DCDC2: variants seen among roughly 807,000 people sequenced by gnomAD.
DCDC2 encodes the protein doublecortin domain-containing protein 2.
DCDC2 carries 40 observed loss-of-function variants against 50.2 expected under a neutral mutation model. The ratio of observed to expected loss-of-function variants is 0.80; its 90% confidence interval spans 0.62 to 1.04. The LOEUF is 1.04. Among genes scored for constraint, DCDC2 ranks in the 50% least tolerant of loss-of-function variants. The pLI, the probability that DCDC2 is intolerant of heterozygous loss-of-function variation, is 0.00. For synonymous variants in DCDC2, 234 were observed against 210.6 expected, an observed-to-expected ratio of 1.11 and a Z score of -0.96; for missense variants, 570 against 581.9, an observed-to-expected ratio of 0.98 and a Z score of 0.21.
At chr6:24,244,612 A>G (rs1460163390) in intron 7 of DCDC2, among the ~76,000 whole-genome samples, 2 of 152,180 alleles carry the variant, frequency 1.3e-5, no homozygotes, top group East Asian at 3.9e-4. Flanking sequence ...CACCTCCCAG[A>G]CCTGCTCTCT....
chr6:24,279,169 C>T (rs577492068), intron 6 of DCDC2, among the ~76,000 whole-genome samples: 1 of 152,312 alleles, frequency 6.6e-6, no homozygotes, highest in African/African-American at 2.4e-5. Context: ...GGGGCTACTG[C>T]AAGGAACAGC....
At chr6:24,209,925 G>T (rs903963535) in intron 7 of DCDC2, among the ~76,000 whole-genome samples, 1 of 151,976 alleles carries the variant, frequency 6.6e-6, no homozygotes, top group Admixed American at 6.6e-5. Context: ...ACCCCAGAGA[G>T]ATTATTCTTG....
the DCDC2 span, among the ~76,000 whole-genome samples, chr6:24,368,995 G>A: frequency 6.6e-6 from 1 of 151,974 alleles, no homozygotes; most frequent in Non-Finnish European, 1.5e-5. Flanking sequence ...TTAGCTGGGT[G>A]CAGTGGCGCG....
intron 7 of DCDC2, among the ~76,000 whole-genome samples, chr6:24,248,841 T>A (rs1031305965): frequency 6.6e-6 from 1 of 152,184 alleles, no homozygotes; most frequent in African/African-American, 2.4e-5. Context: ...CAATAGGGAA[T>A]CACTAATAAG....
upstream of DCDC2, among the ~76,000 whole-genome samples, chr6:24,358,752 T>TATAC (rs35862154): frequency 6.3e-3 from 1 of 158 alleles, no homozygotes; most frequent in South Asian, 0.1. Context: ...TTTATTTATT[T>TATAC]ATTTATATAT....
chr6:24,295,203 C>G (rs950600454), intron 4 of DCDC2, among the ~76,000 whole-genome samples: 2 of 152,140 alleles, frequency 1.3e-5, no homozygotes, highest in African/African-American at 4.8e-5. Flanking sequence ...ACCACATAAA[C>G]AGAACTTAAA....
At chr6:24,363,649 C>T in the DCDC2 span, among the ~76,000 whole-genome samples, 1 of 152,180 alleles carries the variant, frequency 6.6e-6, no homozygotes, top group Non-Finnish European at 1.5e-5. Context: ...CCACATTGCA[C>T]CCTAGGTTTA....
At chr6:24,311,477 T>G (rs552462270) in intron 2 of DCDC2, among the ~76,000 whole-genome samples, 61 of 152,338 alleles carry the variant, frequency 4.0e-4, no homozygotes, top group African/African-American at 1.4e-3. Flanking sequence ...CACCAATTTT[T>G]GAGCATATAT....
intron 2 of DCDC2, among the ~76,000 whole-genome samples, chr6:24,322,969 T>C (rs1759798758): frequency 1.3e-5 from 2 of 152,230 alleles, no homozygotes; most frequent in African/African-American, 4.8e-5. Flanking sequence ...TGACTCTTTT[T>C]GTTGACATCT....
intron 8 of DCDC2, among the ~76,000 whole-genome samples, chr6:24,179,707 C>A (rs1761016233): frequency 6.6e-6 from 1 of 150,762 alleles, no homozygotes; most frequent in Admixed American, 6.6e-5. Flanking sequence ...GTAATCCCAG[C>A]ACTTTGGGAG....
chr6:24,236,289 C>T (rs1762439243), intron 7 of DCDC2, among the ~76,000 whole-genome samples: 1 of 152,122 alleles, frequency 6.6e-6, no homozygotes, highest in African/African-American at 2.4e-5. Flanking sequence ...ACACCTATAG[C>T]CATCTGATCT....
At chr6:24,306,503 T>C (rs1561768194) in intron 2 of DCDC2, among the ~76,000 whole-genome samples, 1 of 95,380 alleles carries the variant, frequency 1.0e-5, no homozygotes, top group African/African-American at 4.3e-5. Flanking sequence ...ATTAGATAGA[T>C]AGATAGATAG....
intron 2 of DCDC2, among the ~76,000 whole-genome samples, chr6:24,335,405 A>T (rs1760040445): frequency 6.6e-6 from 1 of 152,210 alleles, no homozygotes; most frequent in Non-Finnish European, 1.5e-5. Context: ...ATATGTGGTT[A>T]TTCGACCATC....
chr6:24,346,499 T>C (rs1349946603), intron 2 of DCDC2, among the ~76,000 whole-genome samples: 5 of 152,136 alleles, frequency 3.3e-5, no homozygotes, highest in African/African-American at 1.2e-4. Flanking sequence ...TTCACGCCTG[T>C]ACTCCCAGCA....
At chr6:24,217,858 A>T (rs1762014958) in intron 7 of DCDC2, among the ~76,000 whole-genome samples, 1 of 152,222 alleles carries the variant, frequency 6.6e-6, no homozygotes, top group Non-Finnish European at 1.5e-5. Flanking sequence ...CTTAACATAA[A>T]ATAGAAGTTA....
At chr6:24,360,962 G>A (rs908208628), upstream of DCDC2, among the ~76,000 whole-genome samples, 1 of 152,056 alleles carries the variant, frequency 6.6e-6, no homozygotes, top group African/African-American at 2.4e-5. Context: ...ATTAGAAAAC[G>A]AAAGAGAGAG....
intron 8 of DCDC2, among the ~76,000 whole-genome samples, chr6:24,190,034 C>G (rs775408813): frequency 2.7e-5 from 4 of 150,848 alleles, no homozygotes; most frequent in Non-Finnish European, 4.4e-5. Context: ...TGGCAAAGTA[C>G]CACTTCTTGC....
intron 5 of DCDC2, 83 bp from the exon 6 acceptor site, chr6:24,288,989 G>C: frequency 9.9e-7 from 1 of 1,011,402 alleles, no homozygotes; most frequent in Non-Finnish European, 1.5e-6. Context: ...TCCCCACCTG[G>C]AAGTCAACTG....
rs543369890 is a variant in DCDC2 at position 24,205,056 on chromosome 6, C to G, written c.969G>C (p.Gly323=). 1.2e-6 allele frequency: 2 copies of G among 1,614,062 alleles called. No individual in the cohort carries two copies. The highest frequency in any genetic ancestry group is 2.2e-5 in the South Asian group (2 of 91,076). Residue 323 remains glycine (G), a synonymous_variant, in exon 8 of 10, where the codon GGG becomes GGC. Coordinates refer to ENST00000378454, the MANE Select transcript of DCDC2 (RefSeq NM_016356.5). Reference sequence around the variant, plus strand: ...CTTCATCTTCTTGGACTTCTGCTGCCCCCCGTGTTTCAGACCTCTCTGCTC... The same window carrying G: ...CTTCATCTTCTTGGACTTCTGCTGCGCCCCGTGTTTCAGACCTCTCTGCTC... ...KAGAERSETR[G]AAEVQEDEDT...
Sources: gnomAD v4.1 joint callset for allele counts (sites outside exome capture counted in the v4.1 genomes callset) on GRCh38, gnomAD v4.1.1 for gene constraint, MANE v1.5 for transcripts, NCBI Gene and HGNC (gene_info 2026-07-23, HGNC 2026-07-21) for gene names.